The following USP24 variants were observed in gnomAD, a reference collection of about 807,000 sequenced individuals.
The protein encoded by USP24 is ubiquitin specific peptidase 24.
In USP24, 97 loss-of-function variants were observed where a neutral mutation model predicts 361.6. The ratio of observed to expected loss-of-function variants is 0.27; its 90% CI spans 0.23 to 0.32. The LOEUF is 0.32. USP24 is among the 10% of genes least tolerant of loss of function. The pLI, the probability that USP24 is intolerant of heterozygous loss-of-function variation, is 1.00. For synonymous variants in USP24, 1,098 were observed against 1,124.6 expected, an observed-to-expected ratio of 0.98 and a Z score of 0.47; for missense variants, 2,353 against 3,165.6, an observed-to-expected ratio of 0.74 and a Z score of 6.16.
rs763529552 is a variant in USP24 at position 55,099,345 on chromosome 1, C to T, written c.5370+426G>A. Reference sequence around the variant, plus strand: ...GCTGAGGTGGGTGAATCTCTGGAGGCCAGGAGTTTGAGACCAGCCTGGCCA... The same window carrying T: ...GCTGAGGTGGGTGAATCTCTGGAGGTCAGGAGTTTGAGACCAGCCTGGCCA... On this transcript the variant is annotated intron_variant, in intron 45 of 67. Transcript: ENST00000294383. 1.2e-4 allele frequency among the ~76,000 whole-genome samples: 18 copies of T among 152,148 alleles called. 1 individual carries two copies. The South Asian group carries it at 1.9e-3, about 16-fold the overall frequency.
At chr1:55,130,991 A>C (rs1358980543) in intron 31 of USP24, among the ~76,000 whole-genome samples, 1 of 152,222 alleles carries the variant, frequency 6.6e-6, no homozygotes, top group Non-Finnish European at 1.5e-5. Context: ...TTACCACTGC[A>C]GTGCTATGGC....
In USP24 at chr1:55,215,201, G is replaced by A. The variant is rs1644959940; in HGVS notation, c.-88C>T. ...GGCCGCGCGGCGCACCCTCCGCGCC[G>A]CCTCCGCGCCCAGGTTGGCCCCTGC... is the stretch of plus-strand genomic sequence containing the variant. On this transcript the variant is annotated 5_prime_UTR_variant, in exon 1 of 68. Coordinates refer to ENST00000294383, the MANE Select transcript of USP24 (RefSeq NM_015306.3). The A allele has an allele frequency of 1.8e-6, 2 of 1,098,506 alleles. No individual in the cohort carries two copies. Among genetic ancestry groups the A allele is most frequent in the Non-Finnish European group, 2.3e-6 (2 of 878,096 alleles). 68.0% of individuals were successfully genotyped at this position (1,098,506 alleles called of 1,614,324 possible).
intron 1 of USP24, among the ~76,000 whole-genome samples, chr1:55,190,417 T>C (rs1644256200): frequency 6.6e-6 from 1 of 152,046 alleles, no homozygotes. Context: ...ATATTTTGAG[T>C]TATCACTTTT....
chr1:55,094,083 C>T lies in USP24; in HGVS notation c.6208G>A (p.Ala2070Thr), dbSNP rs370235909. 76 of 1,612,448 alleles carry T rather than the reference C, an allele frequency of 4.7e-5. No homozygotes were observed. The African/African-American group carries it at 9.3e-4, about 20-fold the overall frequency. Reference protein sequence around the residue: ...RQEAEDLSLSAPSSPEISPQS... With the variant: ...RQEAEDLSLSTPSSPEISPQS... Reference sequence around the variant, plus strand: ...GGTGAAATTTCTGGTGAAGATGGAGCTGACCTAAGAGATAGAATCAGAAAA... The same window carrying T: ...GGTGAAATTTCTGGTGAAGATGGAGTTGACCTAAGAGATAGAATCAGAAAA... The change falls in exon 52 of 68, where the codon GCT (alanine) becomes ACT (threonine). Residue 2070 changes from alanine (A) to threonine (T), a missense_variant. Physicochemically the swap from Ala to Thr is moderately conservative, Grantham distance 58. This residue lies in a region of USP24 where 598 missense variants were observed against 761.9 expected (regional missense o/e 0.78). Transcript: ENST00000294383.
At chr1:55,129,643 A>G (rs1317088011) in intron 31 of USP24, 69 bp from the exon 32 acceptor site, 1 of 1,260,044 alleles carries the variant, frequency 7.9e-7, no homozygotes, top group Non-Finnish European at 1.1e-6. Context: ...TACTAAATAA[A>G]ACATTCAGAC....
intron 32 of USP24, among the ~76,000 whole-genome samples, chr1:55,127,013 AAG>A (rs1194663223): frequency 6.6e-6 from 1 of 152,110 alleles, no homozygotes; most frequent in Non-Finnish European, 1.5e-5. Context: ...TTAACCTATG[AAG>A]AGTCTTCCAC....
At chr1:55,103,655 A>C (rs1645696940) in intron 42 of USP24, among the ~76,000 whole-genome samples, 1 of 152,218 alleles carries the variant, frequency 6.6e-6, no homozygotes, top group Non-Finnish European at 1.5e-5. Context: ...GCAACTTGAA[A>C]ATGCCTCTCC....
chr1:55,071,794 G>A lies in USP24; in HGVS notation c.7800+20C>T, dbSNP rs750737067. The A allele has an allele frequency of 3.1e-6, 5 of 1,600,002 alleles. No individual in the cohort carries two copies. The highest frequency in any genetic ancestry group is 4.3e-6 in the Non-Finnish European group (5 of 1,171,242). On this transcript the variant is annotated intron_variant, in intron 67 of 67. Coordinates refer to ENST00000294383, the MANE Select transcript of USP24 (RefSeq NM_015306.3). ...GAGCAAGGCTGCCCTTTGCACACAA[G>A]GACATGCTGACCGTTATACCTGCTG...
chr1:55,196,638 T>G (rs1285120989), intron 1 of USP24, among the ~76,000 whole-genome samples: 1 of 152,340 alleles, frequency 6.6e-6, no homozygotes, highest in South Asian at 2.1e-4. Flanking sequence ...CAGGCACATA[T>G]CCAACTTCCT....
In USP24 at chr1:55,146,801, T is replaced by A. The variant is rs139055381; in HGVS notation, c.2250+128A>T. 126 of 1,061,040 alleles carry A rather than the reference T, an allele frequency of 1.2e-4. No individual in the cohort carries two copies. In the African/African-American group the frequency reaches 1.8e-3, roughly 15 times the overall value. The allele number at this position is 1,061,040 out of a possible 1,614,324, so 65.7% of individuals were successfully genotyped here. ...TTATATAAAACATTTTTTCAGCACT[T>A]ACAGTTCTTGGCCCATACTATTTAT... On this transcript the variant is annotated intron_variant, in intron 19 of 67. Coordinates refer to ENST00000294383, the MANE Select transcript of USP24 (RefSeq NM_015306.3).
At chr1:55,127,313 C>A (rs372580037) in intron 32 of USP24, among the ~76,000 whole-genome samples, 8 of 151,826 alleles carry the variant, frequency 5.3e-5, no homozygotes, top group Admixed American at 1.3e-4. Flanking sequence ...TGAGAACATG[C>A]GGTGTTTGGT....
intron 25 of USP24, 84 bp downstream of exon 25, chr1:55,138,860 C>G: frequency 6.9e-7 from 1 of 1,459,540 alleles, no homozygotes; most frequent in Non-Finnish European, 9.4e-7. Flanking sequence ...GTGCTAAACT[C>G]CCAGCTGCTA....
In USP24 at chr1:55,123,373, A is replaced by T. The variant is rs75333918; in HGVS notation, c.4276+74T>A. On this transcript the variant is annotated intron_variant, in intron 36 of 67. Transcript: ENST00000294383. ...GACCAATGGGACCTTATCTAGGAAG[A>T]AATGTAAAGAATTCCCAACAGAAAC... 2,008 of 1,411,588 alleles carry T rather than the reference A, an allele frequency of 1.4e-3. 42 individuals carry two copies. The East Asian group carries it at 0.042, about 29-fold the overall frequency. 87.4% of individuals were successfully genotyped at this position (1,411,588 alleles called of 1,614,324 possible). A position where few individuals can be genotyped will look rare whatever the true frequency, so the allele number is the denominator to read the frequency against.
chr1:55,083,662 A>G (rs1645194968), intron 57 of USP24, 110 bp downstream of exon 57: 1 of 847,324 alleles, frequency 1.2e-6, no homozygotes, highest in Non-Finnish European at 1.8e-6. Flanking sequence ...ATTTTTAGGA[A>G]GAAACATCAT....
chr1:55,107,520 C>A, intron 39 of USP24, 90 bp from the exon 40 acceptor site: 6 of 1,363,808 alleles, frequency 4.4e-6, no homozygotes, highest in Non-Finnish European at 5.8e-6. Context: ...AAAGTCAAGC[C>A]CCAATCTTTC....
At chr1:55,089,459 T>C (rs921158199) in intron 55 of USP24, among the ~76,000 whole-genome samples, 168 bp downstream of exon 55, 2 of 152,196 alleles carry the variant, frequency 1.3e-5, no homozygotes, top group Non-Finnish European at 2.9e-5. Context: ...TGAGATGATT[T>C]TGGAGTGACC....
chr1:55,178,474 G>A (rs989462364), intron 1 of USP24, among the ~76,000 whole-genome samples: 7 of 151,834 alleles, frequency 4.6e-5, no homozygotes, highest in Non-Finnish European at 1.5e-5. Flanking sequence ...CGAGACCATC[G>A]TGGCTAACAC....
intron 8 of USP24, 84 bp downstream of exon 8, chr1:55,162,113 CCA>C: frequency 8.0e-7 from 1 of 1,244,240 alleles, no homozygotes; most frequent in South Asian, 1.6e-5. Flanking sequence ...GGATTAAAGA[CCA>C]CTCTGAATAA....
chr1:55,153,630 T>C (rs1168098177), intron 16 of USP24, among the ~76,000 whole-genome samples: 1 of 152,168 alleles, frequency 6.6e-6, no homozygotes, highest in Non-Finnish European at 1.5e-5. Context: ...TCTAATTTTA[T>C]GAAAATTATA....
Sources: allele counts gnomAD v4.1 joint callset (sites outside exome capture counted in the v4.1 genomes callset), GRCh38; gene constraint gnomAD v4.1.1; regional missense constraint gnomAD v4.1.1; transcripts MANE v1.5; gene names NCBI Gene and HGNC (gene_info 2026-07-23, HGNC 2026-07-21).